The following ITGA6 variants were observed in gnomAD, a reference collection of about 807,000 sequenced individuals.
ITGA6 encodes integrin subunit alpha 6.
Under a neutral mutation model 133.6 loss-of-function variants are expected in ITGA6, and 63 were observed. That is an observed-to-expected ratio of 0.47 (90% CI 0.38 to 0.58). ITGA6 has a LOEUF of 0.58. Among genes scored for constraint, ITGA6 ranks in the 20% least tolerant of loss-of-function variants. The probability of loss-of-function intolerance (pLI) is 0.00; values close to 1 mark genes in which losing one functional copy is unlikely to be tolerated. For synonymous variants in ITGA6, 434 were observed against 482.0 expected (o/e 0.90, Z 1.30); for missense variants, 1,068 against 1,309.4 (o/e 0.82, Z 2.85).
At chr2:172,465,746 T>C in intron 2 of ITGA6, 83 bp downstream of exon 2, 1 of 1,568,386 alleles carries the variant, frequency 6.4e-7, no homozygotes, top group Non-Finnish European at 8.8e-7. Flanking sequence ...GGGACAAACA[T>C]TTATTCTTGT....
chr2:172,465,693 C>T (rs199904366), intron 2 of ITGA6, 30 bp downstream of exon 2: 8 of 1,613,936 alleles, frequency 5.0e-6, no homozygotes, highest in Non-Finnish European at 6.8e-6. Context: ...TCAGCGTTCA[C>T]TCCGGCAGCT....
chr2:172,448,877 GT>G (rs2149013043), intron 1 of ITGA6, among the ~76,000 whole-genome samples: 1 of 152,298 alleles, frequency 6.6e-6, no homozygotes, highest in Non-Finnish European at 1.5e-5. Flanking sequence ...CCCTCAAGGA[GT>G]TTATAGCCTA....
intron 1 of ITGA6, 163 bp from the exon 2 acceptor site, chr2:172,465,376 C>T: frequency 1.2e-6 from 1 of 833,974 alleles, no homozygotes; most frequent in African/African-American, 1.7e-5. Context: ...TTGCATGAAC[C>T]AGCCATAGGA....
At chr2:172,474,839 TTA>T in intron 6 of ITGA6, 88 bp from the exon 7 acceptor site, 1 of 775,258 alleles carries the variant, frequency 1.3e-6, no homozygotes, top group Non-Finnish European at 2.4e-6. Flanking sequence ...GGCCTTTCTA[TTA>T]TATGTCTTTG....
intron 17 of ITGA6, 22 bp downstream of exon 17, chr2:172,487,829 C>A: frequency 1.3e-6 from 2 of 1,550,800 alleles, no homozygotes; most frequent in South Asian, 1.1e-5. Context: ...ATCAACCTCT[C>A]CATTCAGAAT....
intron 3 of ITGA6, among the ~76,000 whole-genome samples, 160 bp downstream of exon 3, chr2:172,467,720 C>G (rs1474287801): frequency 2.6e-5 from 4 of 152,192 alleles, no homozygotes; most frequent in African/African-American, 9.6e-5. Flanking sequence ...GGCGTGGTGG[C>G]TCATGCCTGT....
intron 25 of ITGA6, among the ~76,000 whole-genome samples, chr2:172,502,918 A>G (rs561112976): frequency 5.9e-5 from 9 of 152,292 alleles, no homozygotes; most frequent in African/African-American, 1.7e-4. Flanking sequence ...TAAATGGGGT[A>G]GACAGCAGTC....
chr2:172,435,898 A>C (rs1261290001), intron 1 of ITGA6, among the ~76,000 whole-genome samples: 1 of 151,960 alleles, frequency 6.6e-6, no homozygotes, highest in African/African-American at 2.4e-5. Flanking sequence ...CAAAGTGTTG[A>C]GATTACAAGC....
In ITGA6 at chr2:172,442,269, C is replaced by T. The variant is rs550250989; in HGVS notation, c.182+14299C>T. Among the ~76,000 whole-genome samples, 23 of 152,304 alleles carry T rather than the reference C, an allele frequency of 1.5e-4. 1 individual carries two copies. The highest frequency in any genetic ancestry group is 4.8e-4 in the African/African-American group (20 of 41,562). ...CTGCTTGGGTGAACCCAGCTCCTCC[C>T]GGTAGGAAGTGATTGCCCCAGGCAG... On this transcript the variant is annotated intron_variant, in intron 1 of 25. Transcript: ENST00000684293.
At chr2:172,435,147 C>T (rs1228445329) in intron 1 of ITGA6, among the ~76,000 whole-genome samples, 7 of 151,948 alleles carry the variant, frequency 4.6e-5, no homozygotes, top group Non-Finnish European at 8.8e-5. Context: ...CTCCTTTGTC[C>T]TTGCAGAATC....
chr2:172,450,894 AAT>A (rs913762272), intron 1 of ITGA6, among the ~76,000 whole-genome samples: 6 of 146,984 alleles, frequency 4.1e-5, no homozygotes, highest in African/African-American at 9.8e-5. Context: ...TTTATATACA[AAT>A]ATATATTTAT....
chr2:172,486,221 G>C (rs1461198449), intron 13 of ITGA6, among the ~76,000 whole-genome samples: 1 of 147,722 alleles, frequency 6.8e-6, no homozygotes, highest in Non-Finnish European at 1.5e-5. Flanking sequence ...ATGAGTGTCT[G>C]TCCACTATGG....
chr2:172,469,600 T>G (rs1285063126), intron 4 of ITGA6, among the ~76,000 whole-genome samples: 1 of 152,218 alleles, frequency 6.6e-6, no homozygotes, highest in Non-Finnish European at 1.5e-5. Flanking sequence ...TACTTTACTT[T>G]AATTCAGGTA....
At chr2:172,498,828 A>C (rs1687235660) in intron 24 of ITGA6, among the ~76,000 whole-genome samples, 1 of 152,218 alleles carries the variant, frequency 6.6e-6, no homozygotes, top group Non-Finnish European at 1.5e-5. Flanking sequence ...CTGCCATTCC[A>C]AAAAGCTCTG....
intron 1 of ITGA6, among the ~76,000 whole-genome samples, chr2:172,445,663 A>AAAAG (rs1553527993): frequency 6.6e-6 from 1 of 151,466 alleles, no homozygotes; most frequent in East Asian, 1.9e-4. Context: ...AAAAAAAAAA[A>AAAAG]AAAGAAAAAA....
chr2:172,506,279 C>T lies in ITGA6; in HGVS notation c.*2211C>T, dbSNP rs1687559845. On this transcript the variant is annotated 3_prime_UTR_variant, in exon 26 of 26. Coordinates refer to ENST00000684293, the MANE Select transcript of ITGA6 (RefSeq NM_000210.4). ...ACCTGAATTATCTATTTCATCAAAC[C>T]AAAGTTCAGTGTTTTTATTTTTGGT... 1 of 152,504 alleles carries T rather than the reference C, an allele frequency of 6.6e-6. No individual in the cohort carries two copies. Among genetic ancestry groups the T allele is most frequent in the South Asian group, 2.1e-4 (1 of 4,828 alleles). The allele number at this position is 152,504 out of a possible 1,614,324, so 9.4% of individuals were successfully genotyped here. A position where few individuals can be genotyped will look rare whatever the true frequency, so the allele number is the denominator to read the frequency against.
rs371735114 is a variant in ITGA6 at position 172,491,462 on chromosome 2, G to A, written c.2927G>A (p.Arg976Gln). 1.8e-5 allele frequency: 29 copies of A among 1,613,800 alleles called. No homozygotes were observed. Among genetic ancestry groups the A allele is most frequent in the East Asian group, 6.7e-5 (3 of 44,868 alleles). Residue 976 changes from arginine to glutamine, a missense_variant, in exon 23 of 26, where the codon CGA becomes CAA. Coordinates refer to ENST00000684293, the MANE Select transcript of ITGA6 (RefSeq NM_000210.4). The surrounding 1 kb of genome is among the most constrained non-coding windows in gnomAD (Gnocchi z 4.4). ...CTGAACTACTTGGACATTCTCATGC[G>A]AGCCTTCATTGATGTGACTGCTGCT... ...SKLNYLDILMRAFIDVTAAAE... is the reference protein window; with the variant it reads ...SKLNYLDILMQAFIDVTAAAE...
chr2:172,475,180 TAGCG>T, intron 7 of ITGA6, 58 bp downstream of exon 7: 3 of 1,190,064 alleles, frequency 2.5e-6, no homozygotes, highest in Non-Finnish European at 3.7e-6. Flanking sequence ...GTTTAAATAA[TAGCG>T]CTGCTGGGCA....
At chr2:172,438,011 T>A (rs940586983) in intron 1 of ITGA6, among the ~76,000 whole-genome samples, 1 of 151,612 alleles carries the variant, frequency 6.6e-6, no homozygotes, top group South Asian at 2.1e-4. Flanking sequence ...CAATGCCTAA[T>A]TGGAGTGGGT....
Sources: gnomAD v4.1 joint callset for allele counts (sites outside exome capture counted in the v4.1 genomes callset) on GRCh38, gnomAD v4.1.1 for gene constraint, Gnocchi (gnomAD v3.1) non-coding constraint, MANE v1.5 for transcripts, NCBI Gene and HGNC (gene_info 2026-07-23, HGNC 2026-07-21) for gene names.